The following MAST4 variants were observed in gnomAD, a reference collection of about 807,000 sequenced individuals.
MAST4 encodes microtubule associated serine/threonine kinase family member 4, also known as microtubule-associated serine/threonine-protein kinase 4.
In MAST4, 89 loss-of-function variants were observed where a neutral mutation model predicts 162.7. The ratio of observed to expected loss-of-function variants is 0.55; its 90% CI spans 0.46 to 0.65. MAST4 has a LOEUF of 0.65. MAST4 is among the 30% of genes least tolerant of loss of function. The pLI is 0.00. For missense variants in MAST4, 3,153 were observed against 3,374.0 expected, an observed-to-expected ratio of 0.93 and a Z score of 1.62; for synonymous variants, 1,479 against 1,361.1, an observed-to-expected ratio of 1.09 and a Z score of -1.91.
chr5:66,882,806 T>A (rs1761775659), intron 3 of MAST4, among the ~76,000 whole-genome samples: 1 of 152,200 alleles, frequency 6.6e-6, no homozygotes, highest in Middle Eastern at 3.4e-3. Context: ...CCTACTACAG[T>A]GTATGACGCA....
At chr5:66,602,500 C>G (rs1302039162) in intron 1 of MAST4, among the ~76,000 whole-genome samples, 1 of 151,726 alleles carries the variant, frequency 6.6e-6, no homozygotes, top group Non-Finnish European at 1.5e-5. Context: ...GTGCAGGAGT[C>G]CAGGCGGATT....
chr5:66,947,103 A>G (rs1744120741), intron 4 of MAST4, among the ~76,000 whole-genome samples: 1 of 152,170 alleles, frequency 6.6e-6, no homozygotes, highest in Non-Finnish European at 1.5e-5. Flanking sequence ...AAATTCTCTT[A>G]GGGACAGTCA....
chr5:66,803,553 A>T (rs764304050), intron 3 of MAST4, among the ~76,000 whole-genome samples: 21 of 152,250 alleles, frequency 1.4e-4, no homozygotes, highest in Non-Finnish European at 2.9e-4. Context: ...TTTTTCAATA[A>T]GGTTTTATTT....
At chr5:66,928,478 G>A (rs140843870) in intron 4 of MAST4, among the ~76,000 whole-genome samples, 33 of 152,260 alleles carry the variant, frequency 2.2e-4, no homozygotes, top group African/African-American at 6.5e-4. Flanking sequence ...CGCTCAATCC[G>A]GGCTTTCCTC....
At chr5:66,933,063 T>G (rs1264692697) in intron 4 of MAST4, among the ~76,000 whole-genome samples, 1 of 152,182 alleles carries the variant, frequency 6.6e-6, no homozygotes, top group Non-Finnish European at 1.5e-5. Context: ...AACCAGAGAT[T>G]TTTTGCCTCT....
At chr5:66,642,523 A>G (rs1306840227) in intron 1 of MAST4, among the ~76,000 whole-genome samples, 1 of 152,224 alleles carries the variant, frequency 6.6e-6, no homozygotes, top group Non-Finnish European at 1.5e-5. Context: ...ATGTTTAAAA[A>G]GAGTTATCTT....
chr5:66,889,213 C>G (rs1023041730), intron 3 of MAST4, among the ~76,000 whole-genome samples: 2 of 152,114 alleles, frequency 1.3e-5, no homozygotes, highest in Admixed American at 1.3e-4. Context: ...AATTGTGGAG[C>G]CTTGTGGGGC....
rs559435917 is a variant in MAST4 at position 66,916,015 on chromosome 5, C to G, written c.674+16033C>G. 4.9e-4 allele frequency among the ~76,000 whole-genome samples: 75 copies of G among 152,300 alleles called. 1 individual carries two copies. Among genetic ancestry groups the G allele is most frequent in the East Asian group, 5.8e-4 (3 of 5,184 alleles). On this transcript the variant is annotated intron_variant, in intron 4 of 28. Coordinates refer to ENST00000403625, the MANE Select transcript of MAST4 (RefSeq NM_001164664.2). The stretch of plus-strand genomic sequence containing the variant: ...CAGCAGCCACTAGCCACATGTGGCT[C>G]TCAAGCTCTTGCAATGCGGCTAGGC...
At chr5:67,060,744 G>C in intron 5 of MAST4, among the ~76,000 whole-genome samples, 1 of 151,866 alleles carries the variant, frequency 6.6e-6, no homozygotes, top group Non-Finnish European at 1.5e-5. Context: ...CCCAAAGTAG[G>C]GAGTATCACT....
chr5:66,635,515 C>G (rs1209507890), intron 1 of MAST4, among the ~76,000 whole-genome samples: 1 of 152,052 alleles, frequency 6.6e-6, no homozygotes, highest in Admixed American at 6.6e-5. Flanking sequence ...AAGTTTGGGG[C>G]AGAAATTAGT....
At chr5:66,837,286 C>T (rs1181914471) in intron 3 of MAST4, among the ~76,000 whole-genome samples, 1 of 152,032 alleles carries the variant, frequency 6.6e-6, no homozygotes, top group African/African-American at 2.4e-5. Flanking sequence ...TTTTCTTCAT[C>T]ATTATCATCT....
At chr5:66,867,737 T>G (rs1027497046) in intron 3 of MAST4, among the ~76,000 whole-genome samples, 1 of 152,258 alleles carries the variant, frequency 6.6e-6, no homozygotes, top group African/African-American at 2.4e-5. Flanking sequence ...AATCCACCTC[T>G]TCCTCAGCCA....
At position 67,165,275 on chromosome 5, in the gene MAST4, G is replaced by A. The variant is rs757623663; in HGVS notation, c.6096G>A (p.Met2032Ile). The change falls in exon 29 of 29, where the codon ATG becomes ATA. Residue 2032 changes from methionine (M) to isoleucine (I), a missense_variant. Around this residue, in one of 7 missense-constraint regions of MAST4, gnomAD observed 1,644 missense variants for 1,495.0 expected, o/e 1.10. Transcript: ENST00000403625. ...ATTTCTATACACAGACCCAGGCCAT[G>A]GAGAAAGCATGGGCGCCGGGTGGGA... Reference protein sequence around the residue: ...HPDFYTQTQAMEKAWAPGGKT... With the variant: ...HPDFYTQTQAIEKAWAPGGKT... The A allele has an allele frequency of 5.0e-6, 8 of 1,613,308 alleles. 1 individual carries two copies. The highest frequency in any genetic ancestry group is 3.3e-4 in the Middle Eastern group (2 of 6,084).
chr5:66,626,199 A>G (rs1051770512), intron 1 of MAST4, among the ~76,000 whole-genome samples: 1 of 152,212 alleles, frequency 6.6e-6, no homozygotes, highest in Non-Finnish European at 1.5e-5. Context: ...CAGCATGTCG[A>G]AGATAATATT....
chr5:67,142,312 T>C (rs1446879835), intron 20 of MAST4, 75 bp downstream of exon 20: 1 of 1,567,384 alleles, frequency 6.4e-7, no homozygotes, highest in Non-Finnish European at 8.7e-7. Context: ...TTGAACCTTT[T>C]CATATCTCTG....
intron 1 of MAST4, among the ~76,000 whole-genome samples, chr5:66,660,295 C>T (rs534473589): frequency 7.2e-5 from 11 of 152,006 alleles, no homozygotes; most frequent in South Asian, 6.2e-4. Context: ...GGTTGAGGCA[C>T]GAGAATCGCT....
chr5:66,645,773 C>T (rs549663081), intron 1 of MAST4, among the ~76,000 whole-genome samples: 27 of 152,204 alleles, frequency 1.8e-4, no homozygotes, highest in South Asian at 1.2e-3. Context: ...TAAAAAAGTT[C>T]GAACTGCAGC....
At chr5:66,821,477 T>A (rs1244885643) in intron 3 of MAST4, among the ~76,000 whole-genome samples, 1 of 152,260 alleles carries the variant, frequency 6.6e-6, no homozygotes, top group Non-Finnish European at 1.5e-5. Flanking sequence ...GGTGTCATTT[T>A]ACTTTTGAGT....
chr5:66,912,022 T>C (rs1295235887), intron 4 of MAST4, among the ~76,000 whole-genome samples: 2 of 152,196 alleles, frequency 1.3e-5, no homozygotes, highest in African/African-American at 2.4e-5. Flanking sequence ...GGTGGTGGTA[T>C]ATGCTTTTAC....
Sources: allele counts gnomAD v4.1 joint callset (sites outside exome capture counted in the v4.1 genomes callset), GRCh38; gene constraint gnomAD v4.1.1; regional missense constraint gnomAD v4.1.1; transcripts MANE v1.5; gene names NCBI Gene and HGNC (gene_info 2026-07-23, HGNC 2026-07-21).